The following PDE9A variants were observed in gnomAD, a reference collection of about 807,000 sequenced individuals.
The protein encoded by PDE9A is high affinity cGMP-specific 3',5'-cyclic phosphodiesterase 9A.
Under a neutral mutation model 87.4 loss-of-function variants are expected in PDE9A, and 60 were observed. The observed-to-expected ratio is 0.69, with a 90% CI of 0.56 to 0.85. The LOEUF (loss-of-function observed/expected upper bound fraction) is 0.85, where lower values mean the gene tolerates loss of function less well. PDE9A is among the 40% of genes least tolerant of loss of function. PDE9A has a pLI of 0.00. For missense variants in PDE9A, 665 were observed against 779.0 expected (o/e 0.85, Z 1.74); for synonymous variants, 272 against 279.4 (o/e 0.97, Z 0.27).
At chr21:42,678,350 T>A (rs1008162589) in intron 1 of PDE9A, among the ~76,000 whole-genome samples, 10 of 152,096 alleles carry the variant, frequency 6.6e-5, no homozygotes, top group Non-Finnish European at 2.9e-5. Context: ...ATGGCAAGGG[T>A]AAATGGGGCA....
At chr21:42,668,907 C>CCG (rs5844132) in intron 1 of PDE9A, among the ~76,000 whole-genome samples, 1 of 142,566 alleles carries the variant, frequency 7.0e-6, no homozygotes, top group Non-Finnish European at 1.5e-5. Context: ...CACCCCCCGC[C>CCG]ACGTCCCACG....
chr21:42,756,095 G>A (rs915278907), intron 10 of PDE9A, among the ~76,000 whole-genome samples: 2 of 152,248 alleles, frequency 1.3e-5, no homozygotes, highest in African/African-American at 4.8e-5. Flanking sequence ...GACAGCTCCC[G>A]GCAGCTGGAC....
chr21:42,716,341 A>G (rs1162702575), intron 4 of PDE9A, among the ~76,000 whole-genome samples: 2 of 151,464 alleles, frequency 1.3e-5, no homozygotes, highest in African/African-American at 4.8e-5. Context: ...GCCATTTTGC[A>G]TTCCCAGCAG....
chr21:42,653,864 T>A lies in PDE9A; in HGVS notation c.50T>A (p.Ile17Asn). 6.4e-7 allele frequency: 1 copy of A among 1,565,592 alleles called. No homozygotes were observed. The highest frequency in any genetic ancestry group is 8.7e-7 in the Non-Finnish European group (1 of 1,155,584). The part of the protein sequence containing the change: ...SYRPKAIYLD[I>N]DGRIQKVIFS... ...CGGCCCAAGGCCATCTACCTGGACA[T>A]CGATGGACGCATTCAGAAGGTAGCC... Residue 17 changes from isoleucine (I) to asparagine (N), a missense_variant, in exon 1 of 20, where the codon ATC (isoleucine) becomes AAC (asparagine). Transcript: ENST00000291539.
chr21:42,775,501 A>AG lies in PDE9A; in HGVS notation c.*208_*209insG. ...ACTGTCTTTTAAATAATATATTCTT[A>AG]TACGGAAATGGGTACTGTACTTCTT... On this transcript the variant is annotated 3_prime_UTR_variant, in exon 20 of 20. Transcript: ENST00000291539. 2.0e-6 allele frequency: 1 copy of AG among 511,284 alleles called. No individual in the cohort carries two copies. Among genetic ancestry groups the AG allele is most frequent in the Non-Finnish European group, 3.5e-6 (1 of 288,816 alleles). 31.7% of individuals were successfully genotyped at this position (511,284 alleles called of 1,614,324 possible).
intron 17 of PDE9A, among the ~76,000 whole-genome samples, chr21:42,769,651 CAGGCACACAT>C (rs1011899713): frequency 1.5e-4 from 7 of 45,422 alleles, no homozygotes; most frequent in East Asian, 5.6e-4. Flanking sequence ...CAGGGACACA[CAGGCACACAT>C]AGGCACACAA....
At position 42,704,018 on chromosome 21, in the gene PDE9A, G is replaced by A. The variant is rs8132763; in HGVS notation, c.262+5007G>A. Reference sequence around the variant, plus strand: ...AGCATTCGGCCCAGGCTGTGATCTCGAGAAGGTGGTCAGGGCCCAGGCTCC... The same window carrying A: ...AGCATTCGGCCCAGGCTGTGATCTCAAGAAGGTGGTCAGGGCCCAGGCTCC... On this transcript the variant is annotated intron_variant, in intron 4 of 19. Transcript: ENST00000291539. The surrounding 1 kb of genome is among the most constrained non-coding windows in gnomAD (Gnocchi z 5.3). Among the ~76,000 whole-genome samples the A allele has an allele frequency of 0.12, 17,755 of 152,218 alleles. 1,314 individuals are homozygous for A. Among genetic ancestry groups the A allele is most frequent in the Middle Eastern group, 0.19 (57 of 294 alleles).
chr21:42,758,470 T>G (rs1200584034), intron 10 of PDE9A: 1 of 152,648 alleles, frequency 6.6e-6, no homozygotes, highest in African/African-American at 2.4e-5. Flanking sequence ...GTTCAGCGTT[T>G]CTGGATGTAA....
chr21:42,654,384 G>A (rs2056890152), intron 1 of PDE9A, among the ~76,000 whole-genome samples: 2 of 152,166 alleles, frequency 1.3e-5, no homozygotes, highest in Admixed American at 1.3e-4. Context: ...AGCCTGGGGG[G>A]CAGCGGGTCC....
chr21:42,768,769 C>T (rs1028488264), intron 16 of PDE9A: 27 of 985,126 alleles, frequency 2.7e-5, no homozygotes, highest in Non-Finnish European at 3.3e-5. Context: ...CTGCAGGACG[C>T]TGCTGCCGTC....
chr21:42,769,912 G>A (rs2056876558), intron 17 of PDE9A, among the ~76,000 whole-genome samples: 1 of 152,096 alleles, frequency 6.6e-6, no homozygotes, highest in Admixed American at 6.5e-5. Context: ...CTCCCACTCT[G>A]TGCTGCACTC....
intron 1 of PDE9A, 54 bp from the exon 2 acceptor site, chr21:42,686,138 C>T: frequency 5.7e-6 from 8 of 1,401,224 alleles, no homozygotes; most frequent in Middle Eastern, 1.8e-4. Context: ...CGTCTGACGT[C>T]TCCAGGGAGA....
chr21:42,743,635 G>C, intron 7 of PDE9A, 141 bp from the exon 8 acceptor site: 1 of 610,934 alleles, frequency 1.6e-6, no homozygotes, highest in African/African-American at 1.9e-5. Context: ...CTGAGTATCG[G>C]CAGCCAGGGC....
rs893428412 is a variant in PDE9A at position 42,739,558 on chromosome 21, T to C, written c.569-4218T>C. On this transcript the variant is annotated intron_variant, in intron 7 of 19. Coordinates refer to ENST00000291539, the MANE Select transcript of PDE9A (RefSeq NM_002606.3). The surrounding 1 kb of genome is among the most constrained non-coding windows in gnomAD (Gnocchi z 4.1). ...CATTGAGGAATGCACTTTTGCAATGTTGTTACTCACTATCCATCTACTTGG... is the reference window on the plus strand; with the variant it reads ...CATTGAGGAATGCACTTTTGCAATGCTGTTACTCACTATCCATCTACTTGG... Among the ~76,000 whole-genome samples the C allele has an allele frequency of 1.3e-5, 2 of 152,254 alleles. No homozygotes were observed. Among genetic ancestry groups the C allele is most frequent in the Admixed American group, 6.5e-5 (1 of 15,288 alleles).
At chr21:42,731,747 C>G in intron 4 of PDE9A, 23 bp from the exon 5 acceptor site, 1 of 1,601,520 alleles carries the variant, frequency 6.2e-7, no homozygotes, top group Non-Finnish European at 8.5e-7. Flanking sequence ...ATTTGGAAAC[C>G]CAGTCCTGCC....
chr21:42,767,565 T>A (rs1422363874), intron 15 of PDE9A, among the ~76,000 whole-genome samples: 1 of 151,934 alleles, frequency 6.6e-6, no homozygotes, highest in African/African-American at 2.4e-5. Context: ...CCTAGTCACG[T>A]TCCCCAAACC....
chr21:42,717,351 T>C (rs2146537909), intron 4 of PDE9A, among the ~76,000 whole-genome samples: 1 of 128,396 alleles, frequency 7.8e-6, no homozygotes, highest in African/African-American at 2.9e-5. Flanking sequence ...CAGGTTGGAG[T>C]GTACAATCAG....
At chr21:42,654,076 T>TGGGGGGG (rs2056858986) in intron 1 of PDE9A, among the ~76,000 whole-genome samples, 193 bp downstream of exon 1, 22 of 39,966 alleles carry the variant, frequency 5.5e-4, no homozygotes, top group Non-Finnish European at 1.2e-3. Context: ...CCCTGGGGGG[T>TGGGGGGG]GGGGGGTGGG....
In PDE9A at chr21:42,759,642, GGTGTGTCTGT is replaced by G. The variant is rs1004613193; in HGVS notation, c.897+565_897+574del. On this transcript the variant is annotated intron_variant, in intron 11 of 19. Transcript: ENST00000291539. This position sits in a 1 kb window ranked among gnomAD's most constrained non-coding sequence, Gnocchi z 7.2. ...TGTGGGGTGGGAGTAGGAGTGTGGA[GGTGTGTCTGT>G]GTGTGTCAGTGTGGATGTGTGCATG... 4.0e-5 allele frequency among the ~76,000 whole-genome samples: 6 copies of G among 150,688 alleles called. No individual in the cohort carries two copies. The highest frequency in any genetic ancestry group is 8.9e-5 in the Non-Finnish European group (6 of 67,580).
Sources: gnomAD v4.1 joint callset for allele counts (sites outside exome capture counted in the v4.1 genomes callset) on GRCh38, gnomAD v4.1.1 for gene constraint, Gnocchi (gnomAD v3.1) non-coding constraint, MANE v1.5 for transcripts, NCBI Gene and HGNC (gene_info 2026-07-23, HGNC 2026-07-21) for gene names.